GFRAL: variants seen among roughly 807,000 people sequenced by gnomAD.
The protein encoded by GFRAL is GDNF family receptor alpha-like.
GFRAL carries 36 observed loss-of-function variants against 45.4 expected under a neutral mutation model. The observed-to-expected ratio is 0.79, with a 90% CI of 0.61 to 1.05. The LOEUF (loss-of-function observed/expected upper bound fraction) is 1.05. GFRAL is among the 50% of genes least tolerant of loss of function. The probability of loss-of-function intolerance (pLI) is 0.00; values close to 1 mark genes in which losing one functional copy is unlikely to be tolerated. For missense variants in GFRAL, 507 were observed against 467.5 expected (o/e 1.08, Z -0.78); for synonymous variants, 166 against 154.1 (o/e 1.08, Z -0.57).
chr6:55,397,280 A>T (rs1768838784), intron 6 of GFRAL, among the ~76,000 whole-genome samples: 1 of 150,920 alleles, frequency 6.6e-6, no homozygotes, highest in Admixed American at 6.6e-5. Flanking sequence ...GCACTTTGGG[A>T]GGCCGAGGCG....
At chr6:55,336,799 T>G (rs111323581) in intron 3 of GFRAL, among the ~76,000 whole-genome samples, 2,649 of 152,272 alleles carry the variant, frequency 0.017, 76 homozygotes, top group African/African-American at 0.06. Context: ...CCTTTTCACC[T>G]GTCTTAGGAG....
intron 3 of GFRAL, among the ~76,000 whole-genome samples, chr6:55,337,893 T>C (rs115245571): frequency 0.013 from 1,989 of 152,312 alleles, 23 homozygotes; most frequent in Non-Finnish European, 0.022. Flanking sequence ...CTCCATTTTC[T>C]TGCTTCCTAA....
At chr6:55,355,973 A>G (rs62419065) in intron 5 of GFRAL, among the ~76,000 whole-genome samples, 18,654 of 151,984 alleles carry the variant, frequency 0.12, 1,319 homozygotes, top group African/African-American at 0.2. Flanking sequence ...TTCAGCATCA[A>G]TTGAAAAGAT....
intron 6 of GFRAL, among the ~76,000 whole-genome samples, chr6:55,377,539 T>G (rs1562061450): frequency 6.6e-6 from 1 of 152,014 alleles, no homozygotes; most frequent in Non-Finnish European, 1.5e-5. Flanking sequence ...AAAAAGACAT[T>G]ACACTGGAGA....
chr6:55,367,678 T>C (rs1451295062), intron 6 of GFRAL, among the ~76,000 whole-genome samples: 2 of 149,090 alleles, frequency 1.3e-5, no homozygotes, highest in African/African-American at 5.1e-5. Flanking sequence ...CTGTAAAGTA[T>C]TTTATTTCTT....
intron 6 of GFRAL, among the ~76,000 whole-genome samples, chr6:55,367,180 C>G (rs1435504367): frequency 8.8e-6 from 1 of 113,802 alleles, no homozygotes; most frequent in Non-Finnish European, 1.8e-5. Context: ...GAATTGATCC[C>G]TTTACCATTA....
intron 6 of GFRAL, among the ~76,000 whole-genome samples, chr6:55,386,442 T>G (rs551070128): frequency 6.6e-6 from 1 of 152,128 alleles, no homozygotes; most frequent in Non-Finnish European, 1.5e-5. Flanking sequence ...ATTGTAAAAG[T>G]GTGTGAGTTT....
intron 1 of GFRAL, among the ~76,000 whole-genome samples, chr6:55,329,304 A>T (rs569082902): frequency 1.1e-4 from 17 of 152,108 alleles, no homozygotes; most frequent in Non-Finnish European, 1.0e-4. Flanking sequence ...AAAATGTGAA[A>T]GGAAGTAAAA....
At chr6:55,359,403 G>A (rs1010778633) in intron 6 of GFRAL, among the ~76,000 whole-genome samples, 1 of 151,974 alleles carries the variant, frequency 6.6e-6, no homozygotes. Flanking sequence ...CAAAAGCATA[G>A]AAGGTTTATT....
chr6:55,373,812 T>A (rs1375835974), intron 6 of GFRAL, among the ~76,000 whole-genome samples: 1 of 152,060 alleles, frequency 6.6e-6, no homozygotes, highest in Admixed American at 6.6e-5. Context: ...GGTAAATGCA[T>A]GCCATAGTGG....
At chr6:55,366,406 A>G (rs896538927) in intron 6 of GFRAL, among the ~76,000 whole-genome samples, 1 of 146,110 alleles carries the variant, frequency 6.8e-6, no homozygotes, top group Non-Finnish European at 1.5e-5. Context: ...TGGATTCATT[A>G]ATTTTTTGAA....
At chr6:55,342,720 A>G (rs1451865642) in intron 3 of GFRAL, among the ~76,000 whole-genome samples, 3 of 152,274 alleles carry the variant, frequency 2.0e-5, no homozygotes, top group East Asian at 3.9e-4. Context: ...CAATTAAAAG[A>G]CACAGACTGG....
chr6:55,372,420 A>G (rs1251718075), intron 6 of GFRAL, among the ~76,000 whole-genome samples: 2 of 152,212 alleles, frequency 1.3e-5, no homozygotes, highest in Non-Finnish European at 2.9e-5. Flanking sequence ...AGATTGTGAT[A>G]TAACAAATAA....
intron 6 of GFRAL, among the ~76,000 whole-genome samples, chr6:55,390,061 G>A (rs1561867028): frequency 6.6e-6 from 1 of 152,334 alleles, no homozygotes; most frequent in East Asian, 1.9e-4. Context: ...AGAAGGGAAA[G>A]CCTTCCTATT....
chr6:55,400,899 CA>C (rs1768888024), intron 8 of GFRAL, among the ~76,000 whole-genome samples: 1 of 152,116 alleles, frequency 6.6e-6, no homozygotes, highest in Non-Finnish European at 1.5e-5. Context: ...CCGGCAAAAA[CA>C]TCTTACTTTA....
intron 6 of GFRAL, among the ~76,000 whole-genome samples, chr6:55,376,353 T>G (rs767611782): frequency 6.6e-6 from 1 of 152,144 alleles, no homozygotes; most frequent in Non-Finnish European, 1.5e-5. Flanking sequence ...GGTTTTGGTA[T>G]CAGGATGATT....
At chr6:55,391,665 G>T (rs2127365753) in intron 6 of GFRAL, among the ~76,000 whole-genome samples, 1 of 152,170 alleles carries the variant, frequency 6.6e-6, no homozygotes, top group East Asian at 1.9e-4. Context: ...CAGGAGGATT[G>T]CTTGAGCCCA....
In GFRAL at chr6:55,399,453, TA is replaced by T; in HGVS notation, c.1121+15del. On this transcript the variant is annotated intron_variant, in intron 8 of 8. Transcript: ENST00000340465. ...ATGGTCAAGCTTAGGTAACTGAATA[TA>T]AATTAGAAGGAAAGGTCTGAAAGGG... 1 of 1,564,822 alleles carries T rather than the reference TA, an allele frequency of 6.4e-7. No individual in the cohort carries two copies. Among genetic ancestry groups the T allele is most frequent in the Non-Finnish European group, 8.8e-7 (1 of 1,135,222 alleles).
chr6:55,372,113 A>G (rs965660720), intron 6 of GFRAL, among the ~76,000 whole-genome samples: 5 of 152,154 alleles, frequency 3.3e-5, no homozygotes, highest in Non-Finnish European at 7.4e-5. Context: ...CAATTGATAT[A>G]CTTTTCTTTC....
Sources: gnomAD v4.1 joint callset for allele counts (sites outside exome capture counted in the v4.1 genomes callset) on GRCh38, gnomAD v4.1.1 for gene constraint, MANE v1.5 for transcripts, NCBI Gene and HGNC (gene_info 2026-07-23, HGNC 2026-07-21) for gene names.